COL25A1: variants seen among roughly 807,000 people sequenced by gnomAD.
COL25A1 encodes the protein collagen type XXV alpha 1 chain.
Under a neutral mutation model 128.4 loss-of-function variants are expected in COL25A1, and 103 were observed. The observed-to-expected ratio is 0.80, with a 90% CI of 0.68 to 0.94. The LOEUF (loss-of-function observed/expected upper bound fraction) is 0.94, where lower values mean the gene tolerates loss of function less well. Ranked by LOEUF, COL25A1 falls within the 40% of genes least tolerant of loss-of-function variation. The pLI is 0.00. For synonymous variants in COL25A1, 279 were observed against 277.2 expected (o/e 1.01, Z -0.06); for missense variants, 745 against 840.0 (o/e 0.89, Z 1.40).
At chr4:108,905,856 G>C (rs6816435) in intron 13 of COL25A1, among the ~76,000 whole-genome samples, 32,023 of 150,536 alleles carry the variant, frequency 0.21, 3,744 homozygotes, top group African/African-American at 0.25. Context: ...ATGTCGGGGG[G>C]GGGTGCGGGG....
At chr4:109,239,121 A>C (rs911184047) in intron 3 of COL25A1, among the ~76,000 whole-genome samples, 20 of 151,898 alleles carry the variant, frequency 1.3e-4, no homozygotes, top group African/African-American at 4.6e-4. Flanking sequence ...TCATTGCTAA[A>C]AGAATACGGT....
chr4:108,887,287 G>T (rs957015538), intron 18 of COL25A1, among the ~76,000 whole-genome samples: 2 of 152,142 alleles, frequency 1.3e-5, no homozygotes, highest in Admixed American at 1.3e-4. Context: ...GAGCCTAAGC[G>T]CCAATGAACC....
chr4:108,846,903 TA>T lies in COL25A1; in HGVS notation c.1435-685del, dbSNP rs1225279886. On this transcript the variant is annotated intron_variant, in intron 27 of 37. Transcript: ENST00000399132. ...TGAATGTTAACAAATCTGAATTTTG[TA>T]ATTTTTTTTTTTTTTTTTTGAGTTG... Among the ~76,000 whole-genome samples, 3 of 129,326 alleles carry T rather than the reference TA, an allele frequency of 2.3e-5. No homozygotes were observed. In the East Asian group the frequency reaches 7.4e-4, roughly 32 times the overall value. The allele number at this position is 129,326 out of a possible 152,430, so 84.8% of individuals were successfully genotyped here.
rs141516966 is a variant in COL25A1, at chr4:108,972,152, G to A, written c.492+2215C>T. 1.8e-4 allele frequency among the ~76,000 whole-genome samples: 28 copies of A among 152,200 alleles called. No homozygotes were observed. In the East Asian group the frequency reaches 5.4e-3, roughly 29 times the overall value. Reference sequence around the variant, plus strand: ...CACCTGACAAAGAGCTGACATGATGGAGTTTGGAGTTCACATTGTTATTTA... The same window carrying A: ...CACCTGACAAAGAGCTGACATGATGAAGTTTGGAGTTCACATTGTTATTTA... On this transcript the variant is annotated intron_variant, in intron 8 of 37. Coordinates refer to ENST00000399132, the MANE Select transcript of COL25A1 (RefSeq NM_198721.4).
At chr4:109,011,646 C>G (rs1330076203) in intron 5 of COL25A1, among the ~76,000 whole-genome samples, 3 of 152,170 alleles carry the variant, frequency 2.0e-5, no homozygotes, top group Non-Finnish European at 4.4e-5. Context: ...AGCTAAAGGT[C>G]ACAACTTATA....
chr4:109,042,032 T>C (rs1471491461), intron 5 of COL25A1, among the ~76,000 whole-genome samples: 1 of 152,164 alleles, frequency 6.6e-6, no homozygotes, highest in Non-Finnish European at 1.5e-5. Flanking sequence ...AATATTTTTG[T>C]ATGTCTATTT....
chr4:108,818,403 C>T (rs374031796), intron 36 of COL25A1, among the ~76,000 whole-genome samples: 55 of 152,048 alleles, frequency 3.6e-4, no homozygotes, highest in Admixed American at 1.1e-3. Context: ...TAACCATCAA[C>T]GCAAACATAA....
chr4:108,949,609 C>A (rs1057082820), intron 8 of COL25A1, among the ~76,000 whole-genome samples: 1 of 151,964 alleles, frequency 6.6e-6, no homozygotes, highest in Non-Finnish European at 1.5e-5. Flanking sequence ...TCTCGGCTCA[C>A]TGCAACCTCT....
chr4:109,160,946 G>A (rs376752717), intron 3 of COL25A1, among the ~76,000 whole-genome samples: 13 of 152,056 alleles, frequency 8.5e-5, no homozygotes, highest in East Asian at 7.7e-4. Flanking sequence ...GTTAGACTCT[G>A]TACATCTTAT....
At chr4:108,816,111 A>C (rs912124981) in intron 37 of COL25A1, among the ~76,000 whole-genome samples, 2 of 152,144 alleles carry the variant, frequency 1.3e-5, no homozygotes, top group Non-Finnish European at 2.9e-5. Context: ...TGATAGGTCC[A>C]TTTTCATGAG....
intron 3 of COL25A1, among the ~76,000 whole-genome samples, chr4:109,066,486 T>A (rs1762461681): frequency 6.6e-6 from 1 of 152,198 alleles, no homozygotes; most frequent in South Asian, 2.1e-4. Context: ...ACATATCATG[T>A]TGTATTGCAG....
intron 16 of COL25A1, among the ~76,000 whole-genome samples, chr4:108,892,026 C>A (rs890568449): frequency 4.0e-5 from 6 of 151,772 alleles, no homozygotes; most frequent in African/African-American, 1.5e-4. Flanking sequence ...TGTGAAATCT[C>A]ATGGAATTTT....
At chr4:108,884,427 A>AT (rs1015609300) in intron 18 of COL25A1, among the ~76,000 whole-genome samples, 1 of 152,062 alleles carries the variant, frequency 6.6e-6, no homozygotes, top group Non-Finnish European at 1.5e-5. Flanking sequence ...ATTTTTTGGG[A>AT]TTTTCTCTCT....
Position 108,957,143 on chromosome 4 carries a change from A to ATGGG in COL25A1, c.493-15707_493-15706insCCCA, listed in dbSNP as rs1372702762. Among the ~76,000 whole-genome samples, 48 of 152,246 alleles carry ATGGG rather than the reference A, an allele frequency of 3.2e-4. No homozygotes were observed. The South Asian group carries it at 1.0e-2, about 32-fold the overall frequency. ...ATCCCAAACACATTTATCCAGGCCC[A>ATGGG]CCTGGATAAATGTGTTTGCTTTCTA... On this transcript the variant is annotated intron_variant, in intron 8 of 37. Coordinates refer to ENST00000399132, the MANE Select transcript of COL25A1 (RefSeq NM_198721.4).
At chr4:109,120,933 T>G (rs1768055074) in intron 3 of COL25A1, among the ~76,000 whole-genome samples, 1 of 152,052 alleles carries the variant, frequency 6.6e-6, no homozygotes, top group South Asian at 2.1e-4. Context: ...TACAAAACTC[T>G]GATGAAAGAT....
At chr4:108,940,669 C>T in intron 9 of COL25A1, 23 bp from the exon 10 acceptor site, 1 of 1,442,398 alleles carries the variant, frequency 6.9e-7, no homozygotes, top group South Asian at 1.3e-5. Context: ...AGGGAACAGA[C>T]CAGCAATAAC....
chr4:109,239,786 T>C (rs976720987), intron 3 of COL25A1, among the ~76,000 whole-genome samples: 1 of 152,172 alleles, frequency 6.6e-6, no homozygotes, highest in South Asian at 2.1e-4. Context: ...ACAAACTTCA[T>C]CATGTTTTTA....
chr4:109,066,517 A>C (rs113279686), intron 3 of COL25A1, among the ~76,000 whole-genome samples: 3,003 of 152,350 alleles, frequency 0.02, 83 homozygotes, highest in African/African-American at 0.067. Flanking sequence ...GTAAGTCAGC[A>C]TTCATCTACT....
chr4:109,296,090 C>T (rs1420770402), intron 3 of COL25A1, among the ~76,000 whole-genome samples: 3 of 152,062 alleles, frequency 2.0e-5, no homozygotes, highest in Non-Finnish European at 4.4e-5. Context: ...AGCCATCATC[C>T]TCCTGTCTAC....
Sources: allele counts gnomAD v4.1 joint callset (sites outside exome capture counted in the v4.1 genomes callset), GRCh38; gene constraint gnomAD v4.1.1; transcripts MANE v1.5; gene names NCBI Gene and HGNC (gene_info 2026-07-23, HGNC 2026-07-21).